PRKG1: variants seen among roughly 807,000 people sequenced by gnomAD.
PRKG1 encodes cGMP-dependent protein kinase 1.
PRKG1 carries 35 observed loss-of-function variants against 88.1 expected under a neutral mutation model. The ratio of observed to expected loss-of-function variants is 0.40; its 90% CI spans 0.30 to 0.53. PRKG1 has a LOEUF of 0.53. Ranked by LOEUF, PRKG1 falls within the 20% of genes least tolerant of loss-of-function variation. The probability of loss-of-function intolerance (pLI) is 0.59; values close to 1 mark genes in which losing one functional copy is unlikely to be tolerated. For missense variants in PRKG1, 540 were observed against 839.8 expected, an observed-to-expected ratio of 0.64 and a Z score of 4.41; for synonymous variants, 303 against 292.5, an observed-to-expected ratio of 1.04 and a Z score of -0.37.
intron 7 of PRKG1, among the ~76,000 whole-genome samples, chr10:52,127,468 A>G (rs571233261): frequency 9.8e-5 from 15 of 152,342 alleles, no homozygotes; most frequent in African/African-American, 3.1e-4. Flanking sequence ...CAGGGCTAGC[A>G]AAAAGAAAGC....
At chr10:51,626,972 G>T (rs1839352798) in intron 3 of PRKG1, among the ~76,000 whole-genome samples, 2 of 152,022 alleles carry the variant, frequency 1.3e-5, no homozygotes, top group Non-Finnish European at 2.9e-5. Flanking sequence ...CTACCATAGT[G>T]CCAGGTACTG....
At chr10:51,337,073 A>G (rs1345871922) in intron 2 of PRKG1, among the ~76,000 whole-genome samples, 1 of 152,198 alleles carries the variant, frequency 6.6e-6, no homozygotes, top group Non-Finnish European at 1.5e-5. Flanking sequence ...ACATAGACCA[A>G]TGGAACAGAA....
intron 1 of PRKG1, among the ~76,000 whole-genome samples, chr10:51,110,452 T>G (rs1046992958): frequency 2.0e-5 from 3 of 152,080 alleles, no homozygotes; most frequent in Non-Finnish European, 4.4e-5. Context: ...ATATATACTG[T>G]TTAATACCAT....
At chr10:51,186,973 T>C in intron 2 of PRKG1, among the ~76,000 whole-genome samples, 1 of 146,238 alleles carries the variant, frequency 6.8e-6, no homozygotes, top group African/African-American at 2.5e-5. Context: ...TATATATATA[T>C]ATATATATAT....
intron 9 of PRKG1, among the ~76,000 whole-genome samples, chr10:52,167,281 A>C (rs565687658): frequency 6.6e-6 from 1 of 152,106 alleles, no homozygotes; most frequent in South Asian, 2.1e-4. Flanking sequence ...ACCAGCTCTC[A>C]CTCTGTGAAC....
chr10:51,647,135 G>T (rs1839933469), intron 3 of PRKG1, among the ~76,000 whole-genome samples: 1 of 138,072 alleles, frequency 7.2e-6, no homozygotes, highest in Non-Finnish European at 1.5e-5. Flanking sequence ...GAGCCAGTGA[G>T]TTATGAGATC....
chr10:51,845,677 A>T (rs1159431203), intron 4 of PRKG1, among the ~76,000 whole-genome samples: 2 of 152,186 alleles, frequency 1.3e-5, no homozygotes, highest in Non-Finnish European at 2.9e-5. Flanking sequence ...CAGCATTGTC[A>T]TCTTATGGAC....
intron 8 of PRKG1, among the ~76,000 whole-genome samples, chr10:52,147,283 G>A (rs1388480992): frequency 6.6e-6 from 1 of 152,174 alleles, no homozygotes; most frequent in East Asian, 1.9e-4. Context: ...GAAGATCCCA[G>A]TTTATAGATG....
intron 7 of PRKG1, among the ~76,000 whole-genome samples, chr10:52,088,824 TA>T (rs1390468864): frequency 9.2e-5 from 14 of 152,184 alleles, no homozygotes; most frequent in Non-Finnish European, 1.6e-4. Context: ...CAATCACCCT[TA>T]AATATTCCAC....
chr10:51,932,800 T>C (rs1264946449), intron 5 of PRKG1, among the ~76,000 whole-genome samples: 2 of 152,168 alleles, frequency 1.3e-5, no homozygotes, highest in East Asian at 3.8e-4. Flanking sequence ...ATCTATTGAC[T>C]GCTGCCAGTG....
intron 5 of PRKG1, among the ~76,000 whole-genome samples, chr10:51,937,789 C>T (rs11000203): frequency 0.19 from 29,372 of 151,890 alleles, 3,224 homozygotes; most frequent in East Asian, 0.31. Context: ...TACAGTAGTT[C>T]CCCCTTATCC....
intron 5 of PRKG1, among the ~76,000 whole-genome samples, chr10:52,053,743 C>T (rs1038452098): frequency 6.6e-6 from 1 of 152,170 alleles, no homozygotes; most frequent in Non-Finnish European, 1.5e-5. Context: ...TGCGGCCTTA[C>T]CTCACTCCTC....
chr10:51,432,610 T>C (rs1838801834), intron 2 of PRKG1, among the ~76,000 whole-genome samples: 1 of 152,126 alleles, frequency 6.6e-6, no homozygotes, highest in Admixed American at 6.6e-5. Flanking sequence ...GTGGCAATAG[T>C]CGCTGGAAAA....
intron 3 of PRKG1, among the ~76,000 whole-genome samples, chr10:51,605,242 TG>T (rs922027469): frequency 1.3e-5 from 2 of 152,016 alleles, no homozygotes; most frequent in Non-Finnish European, 2.9e-5. Context: ...GGGCACAGGA[TG>T]GGGGGGCATG....
chr10:51,664,354 A>G (rs1208996912), intron 3 of PRKG1, among the ~76,000 whole-genome samples: 1 of 152,192 alleles, frequency 6.6e-6, no homozygotes, highest in Non-Finnish European at 1.5e-5. Flanking sequence ...AATTTCCAAA[A>G]CAAAAATACA....
chr10:51,362,332 A>G (rs1237990563), intron 2 of PRKG1, among the ~76,000 whole-genome samples: 2 of 151,870 alleles, frequency 1.3e-5, no homozygotes, highest in Non-Finnish European at 2.9e-5. Context: ...ATAAAAGTGT[A>G]TGACTTTTCC....
At chr10:51,518,058 G>A (rs545864930) in intron 3 of PRKG1, among the ~76,000 whole-genome samples, 3 of 152,258 alleles carry the variant, frequency 2.0e-5, no homozygotes, top group Non-Finnish European at 2.9e-5. Flanking sequence ...GAATGCAGTG[G>A]CGCCATCTTG....
intron 3 of PRKG1, among the ~76,000 whole-genome samples, chr10:51,744,884 G>A: frequency 6.6e-6 from 1 of 152,074 alleles, no homozygotes; most frequent in East Asian, 1.9e-4. Context: ...CCATCGAAGT[G>A]GGAAATAATT....
intron 1 of PRKG1, among the ~76,000 whole-genome samples, chr10:51,121,819 G>T (rs1342390496): frequency 6.6e-6 from 1 of 152,078 alleles, no homozygotes; most frequent in East Asian, 1.9e-4. Context: ...TTCGTGAATG[G>T]TCTTGCACAG....
Sources: allele counts gnomAD v4.1 joint callset (sites outside exome capture counted in the v4.1 genomes callset), GRCh38; gene constraint gnomAD v4.1.1; transcripts MANE v1.5; gene names NCBI Gene and HGNC (gene_info 2026-07-23, HGNC 2026-07-21).